The following UBE2E2 variants were observed in gnomAD, a reference collection of about 807,000 sequenced individuals.
UBE2E2 encodes the protein ubiquitin-conjugating enzyme E2 E2.
In UBE2E2, 6 loss-of-function variants were observed where a neutral mutation model predicts 24.7. The observed-to-expected ratio is 0.24, with a 90% CI of 0.13 to 0.48. The LOEUF is 0.48. Among genes scored for constraint, UBE2E2 ranks in the 20% least tolerant of loss-of-function variants. The pLI is 0.99. For synonymous variants in UBE2E2, 104 were observed against 83.6 expected (o/e 1.24, Z -1.33); for missense variants, 169 against 245.0 (o/e 0.69, Z 2.07).
intron 4 of UBE2E2, among the ~76,000 whole-genome samples, chr3:23,510,813 T>C (rs1694578320): frequency 6.6e-6 from 1 of 152,124 alleles, no homozygotes; most frequent in African/African-American, 2.4e-5. Flanking sequence ...AAGCAGAGGT[T>C]TATTGAGCCC....
At chr3:23,563,836 A>G (rs1375367209) in intron 5 of UBE2E2, among the ~76,000 whole-genome samples, 1 of 152,094 alleles carries the variant, frequency 6.6e-6, no homozygotes, top group Non-Finnish European at 1.5e-5. Flanking sequence ...TATTTTCCGT[A>G]AGACTGCATT....
chr3:23,374,860 C>T (rs1311153610), intron 3 of UBE2E2, among the ~76,000 whole-genome samples: 1 of 152,070 alleles, frequency 6.6e-6, no homozygotes, highest in Non-Finnish European at 1.5e-5. Context: ...TCTCAAACTC[C>T]TGATCTCATG....
intron 3 of UBE2E2, among the ~76,000 whole-genome samples, chr3:23,438,755 G>T (rs1431383280): frequency 1.3e-5 from 2 of 152,252 alleles, no homozygotes; most frequent in South Asian, 4.2e-4. Context: ...ACATATAAAT[G>T]GAAAAGAGAA....
intron 3 of UBE2E2, among the ~76,000 whole-genome samples, chr3:23,359,106 A>G (rs1034542838): frequency 1.3e-5 from 2 of 152,166 alleles, no homozygotes; most frequent in Non-Finnish European, 2.9e-5. Context: ...AACATCATGA[A>G]CATTACCTTT....
chr3:23,375,085 A>G lies in UBE2E2; in HGVS notation c.228-124523A>G, dbSNP rs192846736. ...TATTTACATATCATGAGATATAAAAAAAAAATCAGAGAATGTGGTGCTATA... is the reference window on the plus strand; with the variant it reads ...TATTTACATATCATGAGATATAAAAGAAAAATCAGAGAATGTGGTGCTATA... On this transcript the variant is annotated intron_variant, in intron 3 of 5. Coordinates refer to ENST00000396703, the MANE Select transcript of UBE2E2 (RefSeq NM_152653.4). 3.9e-3 allele frequency among the ~76,000 whole-genome samples: 588 copies of G among 152,346 alleles called. 1 individual carries two copies. Among genetic ancestry groups the G allele is most frequent in the Non-Finnish European group, 6.3e-3 (430 of 68,018 alleles).
chr3:23,589,899 C>A lies in UBE2E2; in HGVS notation c.*68C>A. On this transcript the variant is annotated 3_prime_UTR_variant, in exon 6 of 6. Coordinates refer to ENST00000396703, the MANE Select transcript of UBE2E2 (RefSeq NM_152653.4). The surrounding 1 kb of genome is among the most constrained non-coding windows in gnomAD (Gnocchi z 4.1). ...TCACCAAGTGCATCGGTAGCCCTGC[C>A]CACCCCTCCAGACCTCGGTTCTTAT... 4.1e-6 allele frequency: 6 copies of A among 1,477,466 alleles called. No homozygotes were observed. Among genetic ancestry groups the A allele is most frequent in the Non-Finnish European group, 5.7e-6 (6 of 1,060,364 alleles). The allele number at this position is 1,477,466 out of a possible 1,614,324, so 91.5% of individuals were successfully genotyped here.
intron 3 of UBE2E2, among the ~76,000 whole-genome samples, chr3:23,308,763 C>T (rs1575550646): frequency 1.3e-5 from 2 of 152,066 alleles, no homozygotes; most frequent in African/African-American, 2.4e-5. Flanking sequence ...GGTGAAGCCC[C>T]GCCATAGGCC....
At chr3:23,297,116 G>A (rs1178344219) in intron 3 of UBE2E2, among the ~76,000 whole-genome samples, 2 of 152,150 alleles carry the variant, frequency 1.3e-5, no homozygotes, top group Admixed American at 6.5e-5. Flanking sequence ...TCTTTTGAGA[G>A]GTGTCTGTTC....
At chr3:23,426,056 A>G (rs1280685978) in intron 3 of UBE2E2, among the ~76,000 whole-genome samples, 5 of 152,330 alleles carry the variant, frequency 3.3e-5, no homozygotes, top group Non-Finnish European at 7.4e-5. Context: ...ATTCTAAGAA[A>G]GAATCAAAAA....
chr3:23,360,991 A>G (rs1032223529), intron 3 of UBE2E2, among the ~76,000 whole-genome samples: 2 of 152,194 alleles, frequency 1.3e-5, no homozygotes, highest in African/African-American at 4.8e-5. Flanking sequence ...AGCAAGAAAA[A>G]AAAATCCCAT....
At chr3:23,326,569 A>G (rs1418562973) in intron 3 of UBE2E2, among the ~76,000 whole-genome samples, 3 of 152,320 alleles carry the variant, frequency 2.0e-5, no homozygotes, top group Non-Finnish European at 4.4e-5. Context: ...TAAATAATTT[A>G]TGATTAATGT....
chr3:23,320,006 C>G (rs1694701772), intron 3 of UBE2E2, among the ~76,000 whole-genome samples: 1 of 152,110 alleles, frequency 6.6e-6, no homozygotes, highest in South Asian at 2.1e-4. Flanking sequence ...GAATAGTTTT[C>G]TTTCAAGAAG....
At chr3:23,513,107 A>T (rs1051223129) in intron 4 of UBE2E2, among the ~76,000 whole-genome samples, 1 of 152,120 alleles carries the variant, frequency 6.6e-6, no homozygotes, top group Non-Finnish European at 1.5e-5. Context: ...ATATAAAGCA[A>T]TATGTTTATT....
chr3:23,257,434 A>G (rs190674395), intron 3 of UBE2E2, among the ~76,000 whole-genome samples: 2 of 141,180 alleles, frequency 1.4e-5, no homozygotes, highest in African/African-American at 5.2e-5. Context: ...AAATAGATGT[A>G]CTTAAGCAAG....
intron 3 of UBE2E2, among the ~76,000 whole-genome samples, chr3:23,242,959 G>T (rs1265913973): frequency 6.6e-6 from 1 of 151,918 alleles, no homozygotes; most frequent in African/African-American, 2.4e-5. Context: ...GTTGGCTTAT[G>T]CCTGTGATCC....
At chr3:23,374,424 AC>A (rs1192197579) in intron 3 of UBE2E2, among the ~76,000 whole-genome samples, 2 of 152,214 alleles carry the variant, frequency 1.3e-5, no homozygotes, top group African/African-American at 4.8e-5. Context: ...TAGTAAGAAA[AC>A]TATTTTCAGA....
intron 4 of UBE2E2, among the ~76,000 whole-genome samples, chr3:23,528,166 C>G (rs1695042785): frequency 6.6e-6 from 1 of 152,186 alleles, no homozygotes; most frequent in South Asian, 2.1e-4. Flanking sequence ...GGAGAAACTC[C>G]TCACCCCACA....
At chr3:23,212,847 T>TA (rs758363913) in intron 2 of UBE2E2, among the ~76,000 whole-genome samples, 34 of 152,284 alleles carry the variant, frequency 2.2e-4, no homozygotes, top group Admixed American at 1.7e-3. Flanking sequence ...TGGTGTGTCT[T>TA]AAAATCAATG....
intron 5 of UBE2E2, among the ~76,000 whole-genome samples, chr3:23,573,904 T>G (rs1183190266): frequency 6.6e-6 from 1 of 152,108 alleles, no homozygotes; most frequent in Non-Finnish European, 1.5e-5. Flanking sequence ...CTCCTAGACT[T>G]AAAAACTTAG....
Sources: allele counts gnomAD v4.1 joint callset (sites outside exome capture counted in the v4.1 genomes callset), GRCh38; gene constraint gnomAD v4.1.1; non-coding constraint Gnocchi (gnomAD v3.1); transcripts MANE v1.5; gene names NCBI Gene and HGNC (gene_info 2026-07-23, HGNC 2026-07-21).